Variants in EIF4E3 observed in about 807,000 individuals in gnomAD.
EIF4E3 encodes the protein eukaryotic translation initiation factor 4E type 3.
A neutral mutation model predicts 31.7 loss-of-function variants in EIF4E3; 26 were observed. The ratio of observed to expected loss-of-function variants is 0.82; its 90% confidence interval spans 0.60 to 1.14. The LOEUF is 1.14. Ranked by LOEUF, EIF4E3 falls within the 50% of genes most tolerant of loss-of-function variation. The pLI is 0.00. For synonymous variants in EIF4E3, 128 were observed against 107.7 expected (o/e 1.19, Z -1.17); for missense variants, 304 against 270.9 (o/e 1.12, Z -0.86).
intron 4 of EIF4E3, among the ~76,000 whole-genome samples, chr3:71,695,628 C>T (rs563970342): frequency 6.6e-6 from 1 of 152,210 alleles, no homozygotes; most frequent in East Asian, 1.9e-4. Flanking sequence ...ATAGTTTGCA[C>T]CTTTGACAAA....
chr3:71,662,347 C>T, the EIF4E3 span, among the ~76,000 whole-genome samples: 3 of 152,228 alleles, frequency 2.0e-5, no homozygotes, highest in Non-Finnish European at 4.4e-5. Flanking sequence ...TCTCGGCCAA[C>T]TCATCTGCAA....
chr3:71,719,386 G>C (rs2049511868), intron 1 of EIF4E3, among the ~76,000 whole-genome samples: 1 of 152,162 alleles, frequency 6.6e-6, no homozygotes, highest in Non-Finnish European at 1.5e-5. Context: ...GTCTGGGGCA[G>C]GGTGGGGAGC....
chr3:71,694,062 C>T (rs1456476171), intron 4 of EIF4E3, 121 bp from the exon 5 acceptor site: 2 of 944,028 alleles, frequency 2.1e-6, no homozygotes, highest in Admixed American at 3.2e-5. Context: ...TGTGCCCATA[C>T]TTGGAGTCCA....
downstream of EIF4E3, among the ~76,000 whole-genome samples, chr3:71,670,479 G>C (rs704283): frequency 4.6e-5 from 7 of 151,970 alleles, no homozygotes; most frequent in Non-Finnish European, 1.0e-4. Flanking sequence ...ACTTTCTTCC[G>C]TGTCTTTAGA....
At chr3:71,746,899 T>C (rs566882072) in intron 1 of EIF4E3, among the ~76,000 whole-genome samples, 1 of 152,340 alleles carries the variant, frequency 6.6e-6, no homozygotes, top group East Asian at 1.9e-4. Flanking sequence ...TCTTTCGTGT[T>C]TGACTTCTTT....
At position 71,748,256 on chromosome 3, in the gene EIF4E3, G is replaced by A. The variant is rs190549565; in HGVS notation, c.-291+5207C>T. Reference sequence around the variant, plus strand: ...ATGGTAAATACAGTATTTGAGAGATGTGAAACCTGCATATATGAAGAGCTG... The same window carrying A: ...ATGGTAAATACAGTATTTGAGAGATATGAAACCTGCATATATGAAGAGCTG... On this transcript the variant is annotated intron_variant, in intron 1 of 7. Transcript: ENST00000295612. 4.6e-5 allele frequency among the ~76,000 whole-genome samples: 7 copies of A among 152,200 alleles called. No individual in the cohort carries two copies. The East Asian group carries it at 1.4e-3, about 29-fold the overall frequency.
intron 1 of EIF4E3, among the ~76,000 whole-genome samples, chr3:71,720,239 G>C (rs114869337): frequency 2.1e-3 from 319 of 151,934 alleles, no homozygotes; most frequent in African/African-American, 7.2e-3. Context: ...GAGTGTATTG[G>C]TGTGATCATA....
At chr3:71,672,589 T>G (rs2107983288), downstream of EIF4E3, among the ~76,000 whole-genome samples, 1 of 152,242 alleles carries the variant, frequency 6.6e-6, no homozygotes, top group African/African-American at 2.4e-5. Flanking sequence ...TTCTTTTGTA[T>G]CCATCTCATC....
At chr3:71,747,915 T>TATACAC (rs1334354919) in intron 1 of EIF4E3, among the ~76,000 whole-genome samples, 1 of 152,252 alleles carries the variant, frequency 6.6e-6, no homozygotes, top group Non-Finnish European at 1.5e-5. Flanking sequence ...ATGCTATACA[T>TATACAC]ATACACATAA....
At position 71,693,054 on chromosome 3, in the gene EIF4E3, A is replaced by G. The variant is rs1156760753; in HGVS notation, c.472+821T>C. ...CCCCATCTAAGACATCTGAGGGACA[A>G]CTGATCATTGTCATTAGCTAAAAAG... On this transcript the variant is annotated intron_variant, in intron 5 of 6. Transcript: ENST00000425534. Among the ~76,000 whole-genome samples the G allele has an allele frequency of 3.9e-5, 6 of 152,218 alleles. No individual in the cohort carries two copies. In the East Asian group the frequency reaches 1.2e-3, roughly 29 times the overall value.
intron 1 of EIF4E3, among the ~76,000 whole-genome samples, chr3:71,718,572 G>A (rs1387810579): frequency 6.6e-6 from 1 of 152,170 alleles, no homozygotes; most frequent in Non-Finnish European, 1.5e-5. Flanking sequence ...AATTAAGAAA[G>A]ACCAAGTTGT....
intron 5 of EIF4E3, among the ~76,000 whole-genome samples, chr3:71,693,083 AACTT>A: frequency 1.3e-5 from 2 of 152,302 alleles, no homozygotes; most frequent in South Asian, 4.1e-4. Flanking sequence ...TAAAAAGAAA[AACTT>A]AACTGAAAGC....
At chr3:71,753,945 C>G, upstream of EIF4E3, 1 of 1,017,064 alleles carries the variant, frequency 9.8e-7, no homozygotes, top group African/African-American at 1.7e-5. Context: ...GGACGGGGAG[C>G]TCGCCCAGGG....
rs776053611 is a variant in EIF4E3 at position 71,684,633 on chromosome 3, G to A, written c.*49C>T. The A allele has an allele frequency of 5.6e-6, 9 of 1,609,286 alleles. No homozygotes were observed. Among genetic ancestry groups the A allele is most frequent in the African/African-American group, 1.3e-5 (1 of 74,556 alleles). On this transcript the variant is annotated 3_prime_UTR_variant, in exon 7 of 7. Coordinates refer to ENST00000425534, the MANE Select transcript of EIF4E3 (RefSeq NM_001134651.2). Reference sequence around the variant, plus strand: ...CTTCACTCTCCCTCCTGTTAAGACCGTTTCCAAAACCAATCAGCAAAGGAC... The same window carrying A: ...CTTCACTCTCCCTCCTGTTAAGACCATTTCCAAAACCAATCAGCAAAGGAC...
chr3:71,667,489 T>C, the EIF4E3 span, among the ~76,000 whole-genome samples: 1 of 152,202 alleles, frequency 6.6e-6, no homozygotes, highest in Non-Finnish European at 1.5e-5. Flanking sequence ...CATGATTGTA[T>C]AGTTAGAAAA....
intron 1 of EIF4E3, among the ~76,000 whole-genome samples, chr3:71,743,458 A>G (rs561771112): frequency 6.6e-6 from 1 of 152,274 alleles, no homozygotes; most frequent in Admixed American, 6.5e-5. Context: ...AGTACAAAAG[A>G]CTGCTGAGAG....
chr3:71,754,510 C>T, upstream of EIF4E3: 5 of 1,292,144 alleles, frequency 3.9e-6, no homozygotes, highest in Non-Finnish European at 4.9e-6. This position sits in a 1 kb window ranked among gnomAD's most constrained non-coding sequence, Gnocchi z 5.8. Flanking sequence ...GCGCTGGCCG[C>T]GGCCTTCCCG....
chr3:71,737,961 T>A (rs988456961), intron 1 of EIF4E3, among the ~76,000 whole-genome samples: 1 of 152,138 alleles, frequency 6.6e-6, no homozygotes, highest in African/African-American at 2.4e-5. Flanking sequence ...AAAGATGGAA[T>A]AAGACATGCT....
At chr3:71,674,481 T>C (rs2048862143), downstream of EIF4E3, among the ~76,000 whole-genome samples, 1 of 152,156 alleles carries the variant, frequency 6.6e-6, no homozygotes, top group South Asian at 2.1e-4. Context: ...CGGTTTTAAG[T>C]TGGTTTGTGG....
Sources: gnomAD v4.1 joint callset for allele counts (sites outside exome capture counted in the v4.1 genomes callset) on GRCh38, gnomAD v4.1.1 for gene constraint, Gnocchi (gnomAD v3.1) non-coding constraint, MANE v1.5 for transcripts, NCBI Gene and HGNC (gene_info 2026-07-23, HGNC 2026-07-21) for gene names.